ZBTB38: variants seen among roughly 807,000 people sequenced by gnomAD.
ZBTB38 encodes zinc finger and BTB domain containing 38.
ZBTB38 carries 20 observed loss-of-function variants against 76.8 expected under a neutral mutation model. The observed-to-expected ratio is 0.26, with a 90% confidence interval of 0.18 to 0.38. ZBTB38 has a LOEUF of 0.38. Ranked by LOEUF, ZBTB38 falls within the 10% of genes least tolerant of loss-of-function variation. The probability of loss-of-function intolerance (pLI) is 1.00; values close to 1 mark genes in which losing one functional copy is unlikely to be tolerated. For synonymous variants in ZBTB38, 504 were observed against 544.2 expected (o/e 0.93, Z 1.03); for missense variants, 1,082 against 1,482.3 (o/e 0.73, Z 4.43).
At chr3:141,393,341 C>T (rs1949434006) in intron 4 of ZBTB38, among the ~76,000 whole-genome samples, 1 of 152,168 alleles carries the variant, frequency 6.6e-6, no homozygotes. Context: ...CTGAGCATGA[C>T]GTAGAGTCCC....
intron 5 of ZBTB38, among the ~76,000 whole-genome samples, chr3:141,440,250 G>T (rs1311187961): frequency 6.6e-6 from 1 of 152,166 alleles, no homozygotes; most frequent in African/African-American, 2.4e-5. Context: ...TTTGTCTTGA[G>T]AATTAAAACA....
chr3:141,445,442 G>A lies in ZBTB38; in HGVS notation c.3054G>A (p.Gln1018=). 1 of 1,614,212 alleles carries A rather than the reference G, an allele frequency of 6.2e-7. No individual in the cohort carries two copies. Among genetic ancestry groups the A allele is most frequent in the Non-Finnish European group, 8.5e-7 (1 of 1,180,042 alleles). The change falls in exon 6 of 6, where the codon CAG becomes CAA. Residue 1018 remains glutamine (Q), a synonymous_variant. Coordinates refer to ENST00000321464, the MANE Select transcript of ZBTB38 (RefSeq NM_001376113.1). The surrounding 1 kb of genome is among the most constrained non-coding windows in gnomAD (Gnocchi z 6.5). ...RPYACELCAK[Q]FQSPSTLKMH... ...ATGCCTGCGAGCTCTGCGCCAAGCAGTTCCAGAGCCCTTCCACACTCAAAA... is the reference window on the plus strand; with the variant it reads ...ATGCCTGCGAGCTCTGCGCCAAGCAATTCCAGAGCCCTTCCACACTCAAAA...
In ZBTB38 at chr3:141,448,248, A is replaced by C. The variant is rs1345816987; in HGVS notation, c.*2272A>C. On this transcript the variant is annotated 3_prime_UTR_variant, in exon 6 of 6. Transcript: ENST00000321464. ...TATGCTGATAATTCTAGACCAAAGT[A>C]AATATGGCAGAATATTTATACATGA... 6.6e-6 allele frequency: 1 copy of C among 152,658 alleles called. No individual in the cohort carries two copies. The highest frequency in any genetic ancestry group is 1.5e-5 in the Non-Finnish European group (1 of 68,018). The allele number at this position is 152,658 out of a possible 1,614,324, so 9.5% of individuals were successfully genotyped here.
intron 3 of ZBTB38, among the ~76,000 whole-genome samples, chr3:141,385,618 T>G (rs1946868894): frequency 6.6e-6 from 1 of 151,302 alleles, no homozygotes; most frequent in South Asian, 2.1e-4. Flanking sequence ...TTGTTCCACA[T>G]GTTAAACATT....
chr3:141,402,879 A>G (rs1952784971), intron 4 of ZBTB38: 1 of 152,168 alleles, frequency 6.6e-6, no homozygotes, highest in Non-Finnish European at 1.5e-5. Flanking sequence ...CTGGATTGGG[A>G]ATCGGACCCT....
At chr3:141,359,887 C>T (rs1023171239) in intron 1 of ZBTB38, among the ~76,000 whole-genome samples, 26 of 152,108 alleles carry the variant, frequency 1.7e-4, no homozygotes, top group African/African-American at 6.0e-4. Flanking sequence ...GCCATGATCA[C>T]ACCACTGCAC....
Position 141,446,110 on chromosome 3 carries a change from AATTCCAG to A in ZBTB38, c.*136_*142del. ...AAAAAAAAAAAAACTCATTTGTGAA[AATTCCAG>A]AAAAAGGATCCTAATATCTACTTTG... On this transcript the variant is annotated 3_prime_UTR_variant, in exon 6 of 6. Coordinates refer to ENST00000321464, the MANE Select transcript of ZBTB38 (RefSeq NM_001376113.1). The A allele has an allele frequency of 5.7e-6, 5 of 872,186 alleles. No homozygotes were observed. The highest frequency in any genetic ancestry group is 8.0e-6 in the Non-Finnish European group (5 of 622,096). 54.0% of individuals were successfully genotyped at this position (872,186 alleles called of 1,614,324 possible). A position where few individuals can be genotyped will look rare whatever the true frequency, so the allele number is the denominator to read the frequency against.
At chr3:141,434,318 A>G in intron 5 of ZBTB38, 4 of 595,376 alleles carry the variant, frequency 6.7e-6, no homozygotes, top group Non-Finnish European at 8.4e-6. Flanking sequence ...GGCTTTATTC[A>G]GGCAGAATGT....
chr3:141,372,019 C>G (rs1431660118), intron 2 of ZBTB38, among the ~76,000 whole-genome samples: 1 of 152,194 alleles, frequency 6.6e-6, no homozygotes, highest in Non-Finnish European at 1.5e-5. Flanking sequence ...TTCTGATTGA[C>G]TTTTGCCCCT....
intron 5 of ZBTB38, among the ~76,000 whole-genome samples, chr3:141,412,388 C>T (rs978122974): frequency 6.6e-6 from 1 of 152,138 alleles, no homozygotes; most frequent in Non-Finnish European, 1.5e-5. Context: ...TGTGAAACTC[C>T]TCCCACTGTG....
In ZBTB38 at chr3:141,420,964, G is replaced by T. The variant is rs571785566; in HGVS notation, c.-1+16933G>T. ...GTTAAAAAAAAAATCCAGTCCTGGA[G>T]GTTTGGAAGCCATAGGAGAGGAATA... On this transcript the variant is annotated intron_variant, in intron 5 of 5. Coordinates refer to ENST00000321464, the MANE Select transcript of ZBTB38 (RefSeq NM_001376113.1). Among the ~76,000 whole-genome samples the T allele has an allele frequency of 6.6e-5, 10 of 151,674 alleles. No individual in the cohort carries two copies. In the East Asian group the frequency reaches 1.9e-3, roughly 29 times the overall value.
chr3:141,422,998 C>T (rs1223203234), intron 5 of ZBTB38, among the ~76,000 whole-genome samples: 1 of 152,068 alleles, frequency 6.6e-6, no homozygotes, highest in Non-Finnish European at 1.5e-5. Context: ...CCTATAATCC[C>T]GTATTTTGTT....
intron 1 of ZBTB38, among the ~76,000 whole-genome samples, chr3:141,354,672 C>A (rs1004249880): frequency 2.6e-5 from 4 of 152,110 alleles, no homozygotes; most frequent in African/African-American, 9.7e-5. Context: ...GCAGGCAGTA[C>A]CTTCCTCCTG....
chr3:141,419,264 G>T (rs1316264152), intron 5 of ZBTB38, among the ~76,000 whole-genome samples: 1 of 152,090 alleles, frequency 6.6e-6, no homozygotes, highest in South Asian at 2.1e-4. Context: ...GAGGAAATCC[G>T]CCCCCATGAT....
rs912064686 is a variant in ZBTB38, at chr3:141,389,033, G to A, written c.-106+2096G>A. 7.2e-5 allele frequency: 11 copies of A among 152,136 alleles called. 1 individual carries two copies. The highest frequency in any genetic ancestry group is 2.1e-4 in the South Asian group (1 of 4,814). 9.4% of individuals were successfully genotyped at this position (152,136 alleles called of 1,614,324 possible). ...TACTCTTGCCTTCCCTGATCCCTCC[G>A]TTGGTAACCTCAGTGCTGTCGGTAG... On this transcript the variant is annotated intron_variant, in intron 4 of 5. Transcript: ENST00000321464.
In ZBTB38 at chr3:141,448,691, C is replaced by T. The variant is rs978292484; in HGVS notation, c.*2715C>T. On this transcript the variant is annotated 3_prime_UTR_variant, in exon 6 of 6. Transcript: ENST00000321464. ...ATTTGTTTTTGCTTGATTAAAATAG[C>T]TTATTCCTACATTAAGTCTCTTTTT... The T allele has an allele frequency of 6.6e-6, 1 of 152,204 alleles. No individual in the cohort carries two copies. The highest frequency in any genetic ancestry group is 2.4e-5 in the African/African-American group (1 of 41,456). The allele number at this position is 152,204 out of a possible 1,614,324, so 9.4% of individuals were successfully genotyped here.
At chr3:141,362,374 C>A (rs745365970) in intron 1 of ZBTB38, among the ~76,000 whole-genome samples, 3 of 152,076 alleles carry the variant, frequency 2.0e-5, no homozygotes, top group Non-Finnish European at 2.9e-5. Flanking sequence ...AGACTGGATT[C>A]TCAGAGGTTA....
intron 3 of ZBTB38, chr3:141,386,065 A>G (rs1378981254): frequency 6.6e-6 from 1 of 152,234 alleles, no homozygotes; most frequent in Non-Finnish European, 1.5e-5. Flanking sequence ...TACAGTATGT[A>G]CTATCTATAG....
Position 141,444,309 on chromosome 3 carries a change from A to G in ZBTB38, c.1921A>G (p.Ile641Val), listed in dbSNP as rs1413409606. 1 of 1,614,230 alleles carries G rather than the reference A, an allele frequency of 6.2e-7. No individual in the cohort carries two copies. Among genetic ancestry groups the G allele is most frequent in the African/African-American group, 1.3e-5 (1 of 75,058 alleles). The change falls in exon 6 of 6, where the codon ATA (isoleucine) becomes GTA (valine). Residue 641 changes from isoleucine (I) to valine (V), a missense_variant. Physicochemically the swap from Ile to Val is conservative, Grantham distance 29 (BLOSUM62 3). This residue lies in a region of ZBTB38 where 471 missense variants were observed against 581.0 expected (regional missense o/e 0.81). Coordinates refer to ENST00000321464, the MANE Select transcript of ZBTB38 (RefSeq NM_001376113.1). This position sits in a 1 kb window ranked among gnomAD's most constrained non-coding sequence, Gnocchi z 5.1. ...ATTGGAAACATCTGCATGTCAGGACATACCCACTTCTGCCAATGTACAAAA... is the reference window on the plus strand; with the variant it reads ...ATTGGAAACATCTGCATGTCAGGACGTACCCACTTCTGCCAATGTACAAAA... ...IPLETSACQD[I>V]PTSANVQNAE... is the part of the protein sequence containing the mutation.
Sources: allele counts gnomAD v4.1 joint callset (sites outside exome capture counted in the v4.1 genomes callset), GRCh38; gene constraint gnomAD v4.1.1; regional missense constraint gnomAD v4.1.1; non-coding constraint Gnocchi (gnomAD v3.1); transcripts MANE v1.5; gene names NCBI Gene and HGNC (gene_info 2026-07-23, HGNC 2026-07-21).